The following ZNF451 variants were observed in gnomAD, a reference collection of about 807,000 sequenced individuals.
ZNF451 encodes E3 SUMO-protein ligase ZNF451.
In ZNF451, 80 loss-of-function variants were observed where a neutral mutation model predicts 107.1. The observed-to-expected ratio is 0.75, with a 90% CI of 0.62 to 0.90. The LOEUF (loss-of-function observed/expected upper bound fraction) is 0.90. Ranked by LOEUF, ZNF451 falls within the 40% of genes least tolerant of loss-of-function variation. The pLI is 0.00. For synonymous variants in ZNF451, 362 were observed against 406.5 expected, an observed-to-expected ratio of 0.89 and a Z score of 1.32; for missense variants, 1,107 against 1,236.2, an observed-to-expected ratio of 0.90 and a Z score of 1.57.
At chr6:57,104,943 G>C (rs1593087324) in intron 3 of ZNF451, 1 of 985,218 alleles carries the variant, frequency 1.0e-6, no homozygotes, top group East Asian at 1.1e-4. Flanking sequence ...AGATCAGGAA[G>C]AGTTTTTAGT....
intron 6 of ZNF451, 33 bp downstream of exon 6, chr6:57,133,225 A>G (rs3757296): frequency 0.087 from 138,501 of 1,585,576 alleles, 7,080 homozygotes; most frequent in African/African-American, 0.19. Flanking sequence ...TGAATGCTGA[A>G]GATCTAGTGA....
At chr6:57,120,881 A>G (rs1419995984) in intron 3 of ZNF451, among the ~76,000 whole-genome samples, 1 of 152,094 alleles carries the variant, frequency 6.6e-6, no homozygotes, top group East Asian at 1.9e-4. Context: ...AGAAGTTTTA[A>G]GTTTAATGAA....
At chr6:57,144,888 C>G (rs1046130369) in intron 9 of ZNF451, among the ~76,000 whole-genome samples, 2 of 152,134 alleles carry the variant, frequency 1.3e-5, no homozygotes, top group Non-Finnish European at 2.9e-5. Context: ...AAGATTGTGC[C>G]ACTGCACTCC....
chr6:57,091,945 C>T (rs1829067470), intron 2 of ZNF451, among the ~76,000 whole-genome samples: 2 of 152,166 alleles, frequency 1.3e-5, no homozygotes, highest in African/African-American at 4.8e-5. Flanking sequence ...TATTGAATTT[C>T]TTTCCCTTTA....
At chr6:57,158,688 G>A in intron 13 of ZNF451, 1 of 985,378 alleles carries the variant, frequency 1.0e-6, no homozygotes, top group South Asian at 4.7e-5. Context: ...AGTATTTTCA[G>A]TGTTTTCTTA....
chr6:57,123,858 A>G (rs1014140058), intron 3 of ZNF451, among the ~76,000 whole-genome samples: 14 of 152,186 alleles, frequency 9.2e-5, no homozygotes, highest in Non-Finnish European at 1.8e-4. Context: ...TGACTTGTGT[A>G]TTAACCTTGT....
At chr6:57,140,202 C>T (rs1181397038) in intron 7 of ZNF451, among the ~76,000 whole-genome samples, 1 of 151,872 alleles carries the variant, frequency 6.6e-6, no homozygotes, top group Admixed American at 6.6e-5. Flanking sequence ...CACATAAGAA[C>T]ACATCTGGGT....
chr6:57,101,706 A>G (rs1829606212), intron 3 of ZNF451: 3 of 1,550,652 alleles, frequency 1.9e-6, no homozygotes, highest in East Asian at 4.9e-5. Flanking sequence ...GTATGGATGC[A>G]GGCCTTTGGC....
chr6:57,126,134 T>C (rs752745874), intron 4 of ZNF451, among the ~76,000 whole-genome samples: 1 of 152,208 alleles, frequency 6.6e-6, no homozygotes, highest in Non-Finnish European at 1.5e-5. Flanking sequence ...AAGTTTTTTC[T>C]CAAGGGTAGT....
intron 2 of ZNF451, among the ~76,000 whole-genome samples, chr6:57,095,096 A>G (rs1021207523): frequency 1.3e-5 from 2 of 152,176 alleles, no homozygotes; most frequent in South Asian, 2.1e-4. Context: ...AAGTTTTTCC[A>G]TATTCACTGA....
intron 10 of ZNF451, 85 bp from the exon 11 acceptor site, chr6:57,150,634 A>G: frequency 7.3e-7 from 1 of 1,368,266 alleles, no homozygotes; most frequent in Non-Finnish European, 9.9e-7. Context: ...TTTGCATATT[A>G]GGCTTCTAAT....
At position 57,150,267 on chromosome 6, in the gene ZNF451, G is replaced by A. The variant is rs558598416; in HGVS notation, c.2609-452G>A. ...AGGGTGTTTAATCCTAGAACTAGAG[G>A]GCTACTAATAAATCAGTCCAGACTG... On this transcript the variant is annotated intron_variant, in intron 10 of 14. Transcript: ENST00000370706. Among the ~76,000 whole-genome samples, 109 of 152,236 alleles carry A rather than the reference G, an allele frequency of 7.2e-4. 3 individuals are homozygous for A. In the South Asian group the frequency reaches 0.022, roughly 30 times the overall value.
intron 10 of ZNF451, among the ~76,000 whole-genome samples, chr6:57,149,159 T>C (rs945987846): frequency 6.6e-6 from 1 of 152,210 alleles, no homozygotes; most frequent in Non-Finnish European, 1.5e-5. Flanking sequence ...ATGATTAACT[T>C]GGAAGAAAAG....
intron 3 of ZNF451, among the ~76,000 whole-genome samples, chr6:57,110,415 C>A (rs1830057092): frequency 6.6e-6 from 1 of 152,160 alleles, no homozygotes; most frequent in Non-Finnish European, 1.5e-5. Flanking sequence ...ACAATTCTTT[C>A]TTTCCCGGAA....
At chr6:57,090,394 T>G in intron 1 of ZNF451, 120 bp downstream of exon 1, 7 of 1,472,698 alleles carry the variant, frequency 4.8e-6, no homozygotes, top group Non-Finnish European at 6.4e-6. Context: ...TTCAGTGTCT[T>G]GGGCCGAGCC....
chr6:57,094,013 A>T (rs891216667), intron 2 of ZNF451, among the ~76,000 whole-genome samples: 10 of 152,328 alleles, frequency 6.6e-5, no homozygotes, highest in South Asian at 2.1e-4. Flanking sequence ...GCTCAAATCC[A>T]TATTCTTTGT....
chr6:57,137,179 A>C (rs1831472940), intron 7 of ZNF451, among the ~76,000 whole-genome samples: 1 of 152,240 alleles, frequency 6.6e-6, no homozygotes, highest in South Asian at 2.1e-4. Flanking sequence ...ACTAGTATGC[A>C]TGGGGGGTTG....
intron 14 of ZNF451, among the ~76,000 whole-genome samples, chr6:57,167,550 G>A (rs1763952160): frequency 6.6e-6 from 1 of 152,082 alleles, no homozygotes; most frequent in Non-Finnish European, 1.5e-5. Context: ...CTAGTTTATT[G>A]TACTTTAAAT....
intron 3 of ZNF451, chr6:57,109,041 C>T: frequency 1.0e-6 from 1 of 985,394 alleles, no homozygotes; most frequent in Non-Finnish European, 1.2e-6. Context: ...TTCTGAACTT[C>T]CTTTATGGCT....
Sources: allele counts gnomAD v4.1 joint callset (sites outside exome capture counted in the v4.1 genomes callset), GRCh38; gene constraint gnomAD v4.1.1; transcripts MANE v1.5; gene names NCBI Gene and HGNC (gene_info 2026-07-23, HGNC 2026-07-21).